ENTREP2: variants seen among roughly 807,000 people sequenced by gnomAD.
ENTREP2 encodes endosomal transmembrane epsin interactor 2.
chr15:29,384,574 C>T, the ENTREP2 span, among the ~76,000 whole-genome samples: 15 of 152,310 alleles, frequency 9.8e-5, no homozygotes, highest in African/African-American at 3.6e-4. Context: ...GAGGCACCTC[C>T]CTTGGTGGCC....
the ENTREP2 span, among the ~76,000 whole-genome samples, chr15:29,300,390 GATGGATAA>G: frequency 1.4e-5 from 2 of 140,294 alleles, no homozygotes; most frequent in Admixed American, 7.0e-5. Flanking sequence ...TGGATAGATA[GATGGATAA>G]ATGGATGGAT....
chr15:29,213,715 TAC>T, the ENTREP2 span, among the ~76,000 whole-genome samples: 32 of 152,100 alleles, frequency 2.1e-4, no homozygotes, highest in Non-Finnish European at 4.0e-4. Context: ...TTTCTAGATA[TAC>T]TATCACAGCA....
At chr15:29,207,213 C>T in the ENTREP2 span, among the ~76,000 whole-genome samples, 4 of 152,082 alleles carry the variant, frequency 2.6e-5, no homozygotes, top group Non-Finnish European at 5.9e-5. Flanking sequence ...TGGGGTGTTT[C>T]CCCTGTGCTA....
the ENTREP2 span, chr15:29,381,844 A>C: frequency 1.3e-6 from 2 of 1,551,496 alleles, no homozygotes; most frequent in East Asian, 2.4e-5. Flanking sequence ...GGAAGGACAA[A>C]AGATACAGGA....
At chr15:29,542,247 T>C in the ENTREP2 span, among the ~76,000 whole-genome samples, 2 of 152,150 alleles carry the variant, frequency 1.3e-5, no homozygotes, top group Non-Finnish European at 2.9e-5. Context: ...ACTCCCGACC[T>C]CAGGTGATCC....
chr15:29,577,553 C>T, the ENTREP2 span, among the ~76,000 whole-genome samples: 17 of 152,096 alleles, frequency 1.1e-4, no homozygotes, highest in African/African-American at 3.6e-4. Flanking sequence ...GGGGTTTTGC[C>T]GTGTTGCCCC....
At chr15:29,144,015 A>T in the ENTREP2 span, among the ~76,000 whole-genome samples, 1 of 152,204 alleles carries the variant, frequency 6.6e-6, no homozygotes, top group African/African-American at 2.4e-5. Context: ...ACTTTAAACC[A>T]CCGCAGGAAA....
the ENTREP2 span, among the ~76,000 whole-genome samples, chr15:29,131,516 A>G: frequency 0.025 from 3,520 of 143,640 alleles, 53 homozygotes; most frequent in Middle Eastern, 0.067. Context: ...TGGGGTGCTG[A>G]AGCTCCCACA....
chr15:29,420,599 T>G, the ENTREP2 span, among the ~76,000 whole-genome samples: 1 of 152,138 alleles, frequency 6.6e-6, no homozygotes, highest in Non-Finnish European at 1.5e-5. Flanking sequence ...AAATTTGAGT[T>G]TGGTACCAGT....
the ENTREP2 span, among the ~76,000 whole-genome samples, chr15:29,487,611 A>G: frequency 6.6e-6 from 1 of 152,358 alleles, no homozygotes; most frequent in East Asian, 1.9e-4. Context: ...TCTACAGTCT[A>G]TAGCAAGCAA....
the ENTREP2 span, among the ~76,000 whole-genome samples, chr15:29,146,655 A>C: frequency 6.6e-6 from 1 of 152,166 alleles, no homozygotes; most frequent in African/African-American, 2.4e-5. Flanking sequence ...ACCTATGTGC[A>C]GGCCGGGTGT....
chr15:29,333,482 C>T, the ENTREP2 span, among the ~76,000 whole-genome samples: 1 of 152,124 alleles, frequency 6.6e-6, no homozygotes, highest in Non-Finnish European at 1.5e-5. Flanking sequence ...AATACCCACT[C>T]CCTGTGCACA....
chr15:29,472,422 A>C, the ENTREP2 span, among the ~76,000 whole-genome samples: 1 of 128,786 alleles, frequency 7.8e-6, no homozygotes, highest in East Asian at 2.4e-4. Flanking sequence ...CACACACACA[A>C]CACACAACAC....
At chr15:29,157,731 CTTTT>C in the ENTREP2 span, among the ~76,000 whole-genome samples, 10 of 129,644 alleles carry the variant, frequency 7.7e-5, no homozygotes, top group African/African-American at 5.5e-5. Flanking sequence ...ATAGCGACAT[CTTTT>C]TTTTTTTTTT....
chr15:29,151,548 A>G, the ENTREP2 span, among the ~76,000 whole-genome samples: 2 of 152,144 alleles, frequency 1.3e-5, no homozygotes, highest in African/African-American at 4.8e-5. Flanking sequence ...AACAACACCT[A>G]AAATAAATAC....
the ENTREP2 span, among the ~76,000 whole-genome samples, chr15:29,570,891 G>A: frequency 2.8e-5 from 4 of 145,016 alleles, no homozygotes; most frequent in Admixed American, 1.4e-4. Context: ...GCCGGGCGGG[G>A]AGCCGGGCGC....
At chr15:29,387,918 G>A in the ENTREP2 span, among the ~76,000 whole-genome samples, 4 of 152,176 alleles carry the variant, frequency 2.6e-5, no homozygotes, top group South Asian at 2.1e-4. Context: ...CTAGCCATAC[G>A]TAGAAAGCTG....
chr15:29,396,073 C>T, the ENTREP2 span, among the ~76,000 whole-genome samples: 2 of 152,180 alleles, frequency 1.3e-5, no homozygotes, highest in Admixed American at 1.3e-4. Context: ...TCAAGCTAAC[C>T]ATATCCATCA....
the ENTREP2 span, among the ~76,000 whole-genome samples, chr15:29,206,879 C>T: frequency 6.6e-6 from 1 of 152,198 alleles, no homozygotes; most frequent in Non-Finnish European, 1.5e-5. Flanking sequence ...GTTTTAATCC[C>T]TTCCGTGTTC....
Sources: allele counts gnomAD v4.1 joint callset (sites outside exome capture counted in the v4.1 genomes callset), GRCh38; gene constraint gnomAD v4.1.1; transcripts MANE v1.5; gene names NCBI Gene and HGNC (gene_info 2026-07-23, HGNC 2026-07-21).